The following MPHOSPH6 variants were observed in gnomAD, a reference collection of about 807,000 sequenced individuals.
MPHOSPH6 encodes M-phase phosphoprotein 6.
A neutral mutation model predicts 21.8 loss-of-function variants in MPHOSPH6; 25 were observed. The ratio of observed to expected loss-of-function variants is 1.15; its 90% CI spans 0.83 to 1.60. The LOEUF (loss-of-function observed/expected upper bound fraction) is 1.60. MPHOSPH6 is among the 40% of genes most tolerant of loss of function. MPHOSPH6 has a pLI of 0.00. For synonymous variants in MPHOSPH6, 84 were observed against 56.5 expected, an observed-to-expected ratio of 1.49 and a Z score of -2.18; for missense variants, 269 against 181.8, an observed-to-expected ratio of 1.48 and a Z score of -2.76.
At chr16:82,168,472 CTTT>C (rs552110598) in intron 1 of MPHOSPH6, among the ~76,000 whole-genome samples, 4 of 47,986 alleles carry the variant, frequency 8.3e-5, no homozygotes, top group Non-Finnish European at 1.0e-4. Flanking sequence ...TACTCTCTCT[CTTT>C]TTTTTTTTTT....
intron 1 of MPHOSPH6, among the ~76,000 whole-genome samples, chr16:82,168,756 G>C (rs575648076): frequency 2.0e-5 from 3 of 152,314 alleles, no homozygotes; most frequent in Non-Finnish European, 4.4e-5. Flanking sequence ...ACAGGCATGA[G>C]CCACTGCGAA....
chr16:82,154,696 T>G (rs1464047120), intron 2 of MPHOSPH6, among the ~76,000 whole-genome samples: 3 of 151,076 alleles, frequency 2.0e-5, no homozygotes, highest in African/African-American at 7.3e-5. Flanking sequence ...AAAAAAAAAC[T>G]GCAGTGAAAA....
At position 82,148,633 on chromosome 16, in the gene MPHOSPH6, T is replaced by A; in HGVS notation, c.*98A>T. 6.5e-6 allele frequency: 9 copies of A among 1,380,132 alleles called. No homozygotes were observed. Among genetic ancestry groups the A allele is most frequent in the Non-Finnish European group, 8.8e-6 (9 of 1,024,392 alleles). 85.5% of individuals were successfully genotyped at this position (1,380,132 alleles called of 1,614,324 possible). On this transcript the variant is annotated 3_prime_UTR_variant, in exon 5 of 5. Coordinates refer to ENST00000258169, the MANE Select transcript of MPHOSPH6 (RefSeq NM_005792.2). ...TGATAATCTCTTTACAAGTAAACGTTACAGTATTAATAACTATAGAGACAC... is the reference window on the plus strand; with the variant it reads ...TGATAATCTCTTTACAAGTAAACGTAACAGTATTAATAACTATAGAGACAC...
At chr16:82,159,129 G>T (rs1906526439) in intron 2 of MPHOSPH6, among the ~76,000 whole-genome samples, 1 of 152,138 alleles carries the variant, frequency 6.6e-6, no homozygotes, top group African/African-American at 2.4e-5. Context: ...TGTGTGAGGG[G>T]GATTTTCTTT....
chr16:82,170,207 G>T lies in MPHOSPH6; in HGVS notation c.-32C>A. ...TTCCGCCCAGCGCCGCACTCCGGCC[G>T]CGAGCCTCACCGCACATGCGCGGAG... On this transcript the variant is annotated 5_prime_UTR_variant, in exon 1 of 5. Transcript: ENST00000258169. The T allele has an allele frequency of 6.4e-7, 1 of 1,555,588 alleles. No homozygotes were observed. Among genetic ancestry groups the T allele is most frequent in the Non-Finnish European group, 8.7e-7 (1 of 1,154,538 alleles).
chr16:82,158,498 C>CAAA (rs3037959), intron 2 of MPHOSPH6, among the ~76,000 whole-genome samples: 28 of 81,498 alleles, frequency 3.4e-4, no homozygotes, highest in African/African-American at 8.4e-4. Flanking sequence ...GACTCCGTCT[C>CAAA]AAAAAAAAAA....
At chr16:82,151,132 T>C (rs777917832) in intron 3 of MPHOSPH6, 3 of 218,370 alleles carry the variant, frequency 1.4e-5, no homozygotes, top group Non-Finnish European at 2.7e-5. Context: ...AATAGCATGA[T>C]ATGAATAAAA....
Position 82,148,446 on chromosome 16 carries a change from T to C in MPHOSPH6, c.*285A>G, listed in dbSNP as rs1209167067. 1 of 281,666 alleles carries C rather than the reference T, an allele frequency of 3.6e-6. No individual in the cohort carries two copies. Among genetic ancestry groups the C allele is most frequent in the African/African-American group, 2.2e-5 (1 of 46,438 alleles). The allele number at this position is 281,666 out of a possible 1,614,324, so 17.4% of individuals were successfully genotyped here. On this transcript the variant is annotated 3_prime_UTR_variant, in exon 5 of 5. Coordinates refer to ENST00000258169, the MANE Select transcript of MPHOSPH6 (RefSeq NM_005792.2). ...TTCAAGGTCAGTGACTGGAGAACTA[T>C]ATTAAGAGAAACCTGAGGTAAAAAA...
chr16:82,165,887 A>T (rs1906762398), intron 1 of MPHOSPH6, among the ~76,000 whole-genome samples: 1 of 152,226 alleles, frequency 6.6e-6, no homozygotes, highest in South Asian at 2.1e-4. Context: ...TGTGTTAAGT[A>T]ACACATGATG....
chr16:82,152,172 C>T (rs774095135), intron 2 of MPHOSPH6, among the ~76,000 whole-genome samples: 1 of 152,176 alleles, frequency 6.6e-6, no homozygotes, highest in Non-Finnish European at 1.5e-5. Flanking sequence ...TTCTTGAACA[C>T]AGGTCTGAGC....
intron 2 of MPHOSPH6, among the ~76,000 whole-genome samples, chr16:82,159,252 G>A (rs1229332144): frequency 6.6e-6 from 1 of 152,130 alleles, no homozygotes; most frequent in African/African-American, 2.4e-5. Flanking sequence ...AGAAAACAGT[G>A]CCACTCTTCT....
chr16:82,163,988 T>A, intron 2 of MPHOSPH6, 94 bp downstream of exon 2: 1 of 763,352 alleles, frequency 1.3e-6, no homozygotes. Context: ...AACAATTTCA[T>A]GGGCTTTATG....
At chr16:82,157,073 T>TA (rs1017183773) in intron 2 of MPHOSPH6, among the ~76,000 whole-genome samples, 2 of 151,538 alleles carry the variant, frequency 1.3e-5, no homozygotes, top group African/African-American at 4.8e-5. Flanking sequence ...TAAATAAAAA[T>TA]AAAAAAATAA....
chr16:82,166,774 C>G (rs1474870107), intron 1 of MPHOSPH6, among the ~76,000 whole-genome samples: 1 of 152,192 alleles, frequency 6.6e-6, no homozygotes, highest in Non-Finnish European at 1.5e-5. Context: ...CGTGGTAAAA[C>G]TCATCAATAC....
intron 1 of MPHOSPH6, among the ~76,000 whole-genome samples, chr16:82,167,851 C>G (rs1311904979): frequency 2.6e-5 from 4 of 152,188 alleles, no homozygotes; most frequent in African/African-American, 9.6e-5. Context: ...CTGTTCCTTA[C>G]AGGTCATGGA....
At chr16:82,167,955 C>G (rs1032614898) in intron 1 of MPHOSPH6, among the ~76,000 whole-genome samples, 1 of 152,174 alleles carries the variant, frequency 6.6e-6, no homozygotes, top group African/African-American at 2.4e-5. Context: ...TCCATGCCTT[C>G]TCACAGTATA....
chr16:82,158,214 C>T (rs570592867), intron 2 of MPHOSPH6, among the ~76,000 whole-genome samples: 11 of 151,892 alleles, frequency 7.2e-5, no homozygotes, highest in African/African-American at 2.4e-4. Flanking sequence ...CTTAGCCGGG[C>T]GCAGTGGCTC....
intron 2 of MPHOSPH6, among the ~76,000 whole-genome samples, chr16:82,153,366 A>G (rs1906328581): frequency 1.3e-5 from 2 of 152,210 alleles, no homozygotes; most frequent in South Asian, 4.1e-4. Flanking sequence ...AACAAATCCA[A>G]GCATATGACT....
intron 2 of MPHOSPH6, among the ~76,000 whole-genome samples, chr16:82,157,997 T>C (rs1906482831): frequency 6.6e-6 from 1 of 152,164 alleles, no homozygotes; most frequent in South Asian, 2.1e-4. Context: ...AAACGAATCT[T>C]AGCATGAGTG....
Sources: allele counts gnomAD v4.1 joint callset (sites outside exome capture counted in the v4.1 genomes callset), GRCh38; gene constraint gnomAD v4.1.1; transcripts MANE v1.5; gene names NCBI Gene and HGNC (gene_info 2026-07-23, HGNC 2026-07-21).